The following EPB41L4A variants were observed in gnomAD, a reference collection of about 807,000 sequenced individuals.
The protein encoded by EPB41L4A is band 4.1-like protein 4A.
EPB41L4A carries 100 observed loss-of-function variants against 108.6 expected under a neutral mutation model. The observed-to-expected ratio is 0.92, with a 90% CI of 0.78 to 1.09. EPB41L4A has a LOEUF of 1.09. Among genes scored for constraint, EPB41L4A ranks in the 50% least tolerant of loss-of-function variants. The pLI is 0.00. For synonymous variants in EPB41L4A, 319 were observed against 289.0 expected, an observed-to-expected ratio of 1.10 and a Z score of -1.05; for missense variants, 1,030 against 842.7, an observed-to-expected ratio of 1.22 and a Z score of -2.75.
At chr5:112,321,280 G>A (rs547000308) in intron 1 of EPB41L4A, among the ~76,000 whole-genome samples, 8 of 152,152 alleles carry the variant, frequency 5.3e-5, no homozygotes, top group South Asian at 2.1e-4. Context: ...AATGACATTC[G>A]CAAGATATAT....
chr5:112,229,841 A>G (rs1167330131), intron 12 of EPB41L4A, among the ~76,000 whole-genome samples: 1 of 151,962 alleles, frequency 6.6e-6, no homozygotes, highest in African/African-American at 2.4e-5. Context: ...ACAAAAAGTT[A>G]GCCAGGCATG....
At chr5:112,269,824 A>G (rs903941021) in intron 4 of EPB41L4A, among the ~76,000 whole-genome samples, 1 of 152,190 alleles carries the variant, frequency 6.6e-6, no homozygotes, top group African/African-American at 2.4e-5. Context: ...TTCATGAAGC[A>G]GTTTCTGGTT....
chr5:112,279,280 G>A (rs149219772), intron 3 of EPB41L4A, among the ~76,000 whole-genome samples: 16 of 152,168 alleles, frequency 1.1e-4, no homozygotes, highest in South Asian at 4.2e-4. Context: ...GTTCCTTTTG[G>A]AAGCAGAGCT....
intron 1 of EPB41L4A, among the ~76,000 whole-genome samples, chr5:112,359,614 C>A (rs1387710887): frequency 6.6e-6 from 1 of 151,544 alleles, no homozygotes; most frequent in Non-Finnish European, 1.5e-5. Flanking sequence ...GATCTCAGCT[C>A]ACTGCCAGCT....
chr5:112,270,130 G>A (rs1752158082), intron 4 of EPB41L4A, among the ~76,000 whole-genome samples: 1 of 152,216 alleles, frequency 6.6e-6, no homozygotes, highest in Non-Finnish European at 1.5e-5. Flanking sequence ...AAGGGGCAGA[G>A]AGACAGAAGC....
chr5:112,207,301 T>A (rs1257705183), intron 13 of EPB41L4A, among the ~76,000 whole-genome samples: 2 of 152,204 alleles, frequency 1.3e-5, no homozygotes, highest in African/African-American at 2.4e-5. Flanking sequence ...AACTTAAATG[T>A]AAGACCTCAA....
intron 2 of EPB41L4A, among the ~76,000 whole-genome samples, chr5:112,291,697 T>A (rs996473938): frequency 6.6e-6 from 1 of 152,212 alleles, no homozygotes; most frequent in Non-Finnish European, 1.5e-5. Context: ...GCTGACATCA[T>A]GACACTTCCA....
At chr5:112,353,858 C>T (rs1393883008) in intron 1 of EPB41L4A, among the ~76,000 whole-genome samples, 1 of 152,102 alleles carries the variant, frequency 6.6e-6, no homozygotes, top group African/African-American at 2.4e-5. Flanking sequence ...ACAAGGCAAT[C>T]CCGAGGCCCC....
intron 1 of EPB41L4A, among the ~76,000 whole-genome samples, chr5:112,376,265 C>T (rs775513443): frequency 1.3e-5 from 2 of 152,118 alleles, no homozygotes; most frequent in Non-Finnish European, 2.9e-5. Context: ...GGCAATTAAG[C>T]ACATAAAAAG....
At chr5:112,322,259 G>T (rs889127265) in intron 1 of EPB41L4A, among the ~76,000 whole-genome samples, 2 of 152,180 alleles carry the variant, frequency 1.3e-5, no homozygotes, top group Admixed American at 6.5e-5. Flanking sequence ...TTAGAGACAA[G>T]ATCATTGGAA....
intron 1 of EPB41L4A, among the ~76,000 whole-genome samples, chr5:112,410,196 A>T (rs185785669): frequency 4.5e-4 from 68 of 152,294 alleles, no homozygotes; most frequent in Non-Finnish European, 6.8e-4. Context: ...TTCAGAGACT[A>T]GGAAGCAGCT....
intron 1 of EPB41L4A, among the ~76,000 whole-genome samples, chr5:112,389,347 G>C (rs773697720): frequency 4.6e-5 from 7 of 152,130 alleles, no homozygotes; most frequent in Middle Eastern, 3.2e-3. Context: ...TCCTACACTA[G>C]GCCCCAACAG....
At chr5:112,211,582 C>T (rs1239373722) in intron 12 of EPB41L4A, among the ~76,000 whole-genome samples, 3 of 145,876 alleles carry the variant, frequency 2.1e-5, no homozygotes, top group East Asian at 2.0e-4. Flanking sequence ...AGCGAGACTC[C>T]GTCTCAAAAA....
chr5:112,170,879 T>A, intron 19 of EPB41L4A, 66 bp downstream of exon 19: 1 of 1,427,652 alleles, frequency 7.0e-7, no homozygotes, highest in Non-Finnish European at 9.8e-7. Context: ...GTATCAGGAG[T>A]CTTCCTTGCA....
chr5:112,416,148 C>G (rs947074063), intron 1 of EPB41L4A, among the ~76,000 whole-genome samples: 1 of 151,846 alleles, frequency 6.6e-6, no homozygotes, highest in Non-Finnish European at 1.5e-5. Flanking sequence ...CGATGAAAAA[C>G]TTTATCTAAG....
chr5:112,261,941 T>G (rs1417309595), intron 7 of EPB41L4A, among the ~76,000 whole-genome samples: 6 of 144,840 alleles, frequency 4.1e-5, no homozygotes, highest in Admixed American at 1.5e-4. Flanking sequence ...CAGGCTGGAG[T>G]GCAGTGGCAC....
intron 1 of EPB41L4A, among the ~76,000 whole-genome samples, chr5:112,355,224 C>T (rs1270259286): frequency 6.6e-6 from 1 of 152,118 alleles, no homozygotes; most frequent in African/African-American, 2.4e-5. Context: ...ACTTGTAAAC[C>T]ACTAGAAACC....
chr5:112,307,364 A>G, intron 2 of EPB41L4A, 22 bp downstream of exon 2: 1 of 1,518,328 alleles, frequency 6.6e-7, no homozygotes, highest in South Asian at 1.1e-5. Flanking sequence ...AGAAAAATTT[A>G]ACACAAAGTC....
intron 1 of EPB41L4A, among the ~76,000 whole-genome samples, chr5:112,367,366 T>C (rs1192176696): frequency 6.6e-6 from 1 of 152,200 alleles, no homozygotes; most frequent in African/African-American, 2.4e-5. Flanking sequence ...TGCAACCTCT[T>C]GTCTCCAAGA....
Sources: gnomAD v4.1 joint callset for allele counts (sites outside exome capture counted in the v4.1 genomes callset) on GRCh38, gnomAD v4.1.1 for gene constraint, MANE v1.5 for transcripts, NCBI Gene and HGNC (gene_info 2026-07-23, HGNC 2026-07-21) for gene names.